Variants in MBD3 observed in about 807,000 individuals in gnomAD.
MBD3 encodes methyl-CpG-binding domain protein 3.
A neutral mutation model predicts 31.2 loss-of-function variants in MBD3; 13 were observed. That is an observed-to-expected ratio of 0.42 (90% CI 0.27 to 0.66). MBD3 has a LOEUF of 0.66. MBD3 is among the 30% of genes least tolerant of loss of function. The probability of loss-of-function intolerance (pLI) is 0.26; values close to 1 mark genes in which losing one functional copy is unlikely to be tolerated. For synonymous variants in MBD3, 223 were observed against 187.4 expected (o/e 1.19, Z -1.55); for missense variants, 440 against 426.5 (o/e 1.03, Z -0.28).
intron 1 of MBD3, 35 bp downstream of exon 1, chr19:1,592,487 C>A: frequency 8.3e-7 from 1 of 1,205,784 alleles, no homozygotes; most frequent in South Asian, 1.4e-5. Flanking sequence ...GGGAGGAGCC[C>A]GTTGAGGCCC....
rs2060710520 is a variant in MBD3 at position 1,592,572 on chromosome 19, C to A, written c.60G>T (p.Val20=). ...CGGCCGACAGCCCCGACCTTCTGGG[C>A]ACTTCTTCCCTCTCCCAGCCCTGCG... is the stretch of plus-strand genomic sequence containing the variant. The part of the protein sequence containing the change: ...ALPQGWEREE[V]PRRSGLSAGH... The change falls in exon 1 of 7, where the codon GTG becomes GTT. Residue 20 remains valine, a synonymous_variant. Coordinates refer to ENST00000434436, the MANE Select transcript of MBD3 (RefSeq NM_001281453.2). 8.3e-6 allele frequency: 12 copies of A among 1,444,880 alleles called. No individual in the cohort carries two copies. The highest frequency in any genetic ancestry group is 1.0e-5 in the Non-Finnish European group (11 of 1,077,156). 89.5% of individuals were successfully genotyped at this position (1,444,880 alleles called of 1,614,324 possible).
rs1915029602 is a variant in MBD3, at chr19:1,573,829, CTG to C, written c.*4333_*4334del. ...TGCCCGTGGCCAACATGGTGAAACCCTGTCTCTACTAAAAGTACAAAGATTAG... is the reference window on the plus strand; with the variant it reads ...TGCCCGTGGCCAACATGGTGAAACCCTCTCTACTAAAAGTACAAAGATTAG... On this transcript the variant is annotated 3_prime_UTR_variant, in exon 7 of 7. Coordinates refer to ENST00000434436, the MANE Select transcript of MBD3 (RefSeq NM_001281453.2). 6.6e-6 allele frequency: 1 copy of C among 152,128 alleles called. No individual in the cohort carries two copies. Among genetic ancestry groups the C allele is most frequent in the Non-Finnish European group, 1.5e-5 (1 of 68,038 alleles). The allele number at this position is 152,128 out of a possible 1,614,324, so 9.4% of individuals were successfully genotyped here. A position where few individuals can be genotyped will look rare whatever the true frequency, so the allele number is the denominator to read the frequency against.
In MBD3 at chr19:1,592,510, G is replaced by C; in HGVS notation, c.110+12C>G. The C allele has an allele frequency of 7.3e-7, 1 of 1,376,222 alleles. No homozygotes were observed. The highest frequency in any genetic ancestry group is 9.7e-7 in the Non-Finnish European group (1 of 1,033,062). 85.3% of individuals were successfully genotyped at this position (1,376,222 alleles called of 1,614,324 possible). A position where few individuals can be genotyped will look rare whatever the true frequency, so the allele number is the denominator to read the frequency against. On this transcript the variant is annotated intron_variant, in intron 1 of 6. Coordinates refer to ENST00000434436, the MANE Select transcript of MBD3 (RefSeq NM_001281453.2). ...CCCGTTGAGGCCCTGCGCGGCCGGC[G>C]CGCTCATTCACCTATAGTAAAAGAC...
intron 2 of MBD3, 184 bp from the exon 3 acceptor site, chr19:1,584,861 C>T (rs984995742): frequency 6.0e-5 from 59 of 989,438 alleles, no homozygotes; most frequent in African/African-American, 4.7e-4. Context: ...CTGGAACGCC[C>T]GCCGCGGGCC....
In MBD3 at chr19:1,585,509, C is replaced by T; in HGVS notation, c.111-295G>A. On this transcript the variant is annotated intron_variant, in intron 1 of 6. Transcript: ENST00000434436. The surrounding 1 kb of genome is among the most constrained non-coding windows in gnomAD (Gnocchi z 4.1). Reference sequence around the variant, plus strand: ...CGATCCTCACACCCTGGCCCTAGCCCCAGCCTCCACATCGGATCCTTGCTC... The same window carrying T: ...CGATCCTCACACCCTGGCCCTAGCCTCAGCCTCCACATCGGATCCTTGCTC... 2.3e-6 allele frequency: 1 copy of T among 440,880 alleles called. No individual in the cohort carries two copies. The highest frequency in any genetic ancestry group is 2.3e-5 in the South Asian group (1 of 44,390). 27.3% of individuals were successfully genotyped at this position (440,880 alleles called of 1,614,324 possible). A position where few individuals can be genotyped will look rare whatever the true frequency, so the allele number is the denominator to read the frequency against.
In MBD3 at chr19:1,584,652, A is replaced by T; in HGVS notation, c.296T>A (p.Leu99Gln). The part of the protein sequence containing the change: ...VKGKPDLNTA[L>Q]PVRQTASIFK... ...GATGGACGCCGTCTGGCGCACGGGC[A>T]GCGCCGTGTTCAGGTCGGGCTTGCC... Residue 99 changes from leucine (L) to glutamine (Q), a missense_variant, in exon 3 of 7, where the codon CTG becomes CAG. By Grantham distance (113) the Leu-to-Gln change is moderately radical. Coordinates refer to ENST00000434436, the MANE Select transcript of MBD3 (RefSeq NM_001281453.2). 1 of 1,613,280 alleles carries T rather than the reference A, an allele frequency of 6.2e-7. No homozygotes were observed. Among genetic ancestry groups the T allele is most frequent in the Non-Finnish European group, 8.5e-7 (1 of 1,179,816 alleles).
Position 1,575,958 on chromosome 19 carries a change from T to C in MBD3, c.*2206A>G, listed in dbSNP as rs1916813315. 1 of 151,916 alleles carries C rather than the reference T, an allele frequency of 6.6e-6. No homozygotes were observed. Among genetic ancestry groups the C allele is most frequent in the Non-Finnish European group, 1.5e-5 (1 of 68,090 alleles). 9.4% of individuals were successfully genotyped at this position (151,916 alleles called of 1,614,324 possible). ...AGAGGGACTGATCGGGGTCTGTCAG[T>C]GACAGGAAGCTGGGCTGCGACAGAG... On this transcript the variant is annotated 3_prime_UTR_variant, in exon 7 of 7. Transcript: ENST00000434436.
rs755286081 is a variant in MBD3 at position 1,584,597 on chromosome 19, G to A, written c.351C>T (p.Asn117=). Residue 117 remains asparagine, a synonymous_variant, in exon 3 of 7, where the codon AAC becomes AAT. Transcript: ENST00000434436. ...IFKQPVTKIT[N]HPSNKVKSDP... ...CGCTCTTGACCTTGTTGCTGGGGTG[G>A]TTGGTAATCTTGGTCACCGGCTGCT... 3 of 1,613,972 alleles carry A rather than the reference G, an allele frequency of 1.9e-6. No individual in the cohort carries two copies. The highest frequency in any genetic ancestry group is 2.2e-5 in the South Asian group (2 of 91,088).
In MBD3 at chr19:1,577,577, TAC is replaced by T. The variant is rs1442590274; in HGVS notation, c.*585_*586del. Reference sequence around the variant, plus strand: ...GCCCGATGACGTGCCTCGACTGTGTTACATTTACTGAAGGAGAGCGGCCTCCT... The same window carrying T: ...GCCCGATGACGTGCCTCGACTGTGTTATTTACTGAAGGAGAGCGGCCTCCT... On this transcript the variant is annotated 3_prime_UTR_variant, in exon 7 of 7. Transcript: ENST00000434436. 1.3e-5 allele frequency: 2 copies of T among 152,314 alleles called. No individual in the cohort carries two copies. The highest frequency in any genetic ancestry group is 1.3e-4 in the Admixed American group (2 of 15,282). The allele number at this position is 152,314 out of a possible 1,614,324, so 9.4% of individuals were successfully genotyped here. A position where few individuals can be genotyped will look rare whatever the true frequency, so the allele number is the denominator to read the frequency against.
At chr19:1,581,381 G>A in intron 4 of MBD3, 112 bp from the exon 5 acceptor site, 1 of 1,094,436 alleles carries the variant, frequency 9.1e-7, no homozygotes, top group Non-Finnish European at 1.3e-6. Context: ...TTCTTGGAAG[G>A]AACCCCAACT....
rs1302426526 is a variant in MBD3 at position 1,585,417 on chromosome 19, C to G, written c.111-203G>C. 1 of 585,896 alleles carries G rather than the reference C, an allele frequency of 1.7e-6. No homozygotes were observed. The highest frequency in any genetic ancestry group is 3.0e-6 in the Non-Finnish European group (1 of 331,516). 36.3% of individuals were successfully genotyped at this position (585,896 alleles called of 1,614,324 possible). On this transcript the variant is annotated intron_variant, in intron 1 of 6. Transcript: ENST00000434436. The surrounding 1 kb of genome is among the most constrained non-coding windows in gnomAD (Gnocchi z 4.1). Reference sequence around the variant, plus strand: ...CCCTGGCGTGACCCCAGACCTTCATCCCAGACCCCAGCACCCCACAACTGG... The same window carrying G: ...CCCTGGCGTGACCCCAGACCTTCATGCCAGACCCCAGCACCCCACAACTGG...
At chr19:1,584,361 C>T (rs1464108712) in intron 3 of MBD3, among the ~76,000 whole-genome samples, 179 bp downstream of exon 3, 2 of 152,194 alleles carry the variant, frequency 1.3e-5, no homozygotes, top group East Asian at 1.9e-4. Context: ...GGACCACAGG[C>T]GGGCGCCACC....
At chr19:1,584,989 C>T (rs979775358) in intron 2 of MBD3, 66 bp downstream of exon 2, 65 of 1,591,004 alleles carry the variant, frequency 4.1e-5, no homozygotes, top group Middle Eastern at 2.0e-4. Flanking sequence ...CTGCAGCTCA[C>T]GTCATGGCCG....
At chr19:1,591,484 AC>A (rs1286543772) in intron 1 of MBD3, among the ~76,000 whole-genome samples, 1 of 151,834 alleles carries the variant, frequency 6.6e-6, no homozygotes, top group East Asian at 2.0e-4. Flanking sequence ...CGTGGAAACC[AC>A]CCGCCCTCAC....
At position 1,578,300 on chromosome 19, in the gene MBD3, C is replaced by A. The variant is rs1305280568; in HGVS notation, c.*5+35G>T. 1 of 1,599,538 alleles carries A rather than the reference C, an allele frequency of 6.3e-7. No individual in the cohort carries two copies. The highest frequency in any genetic ancestry group is 1.7e-5 in the Admixed American group (1 of 60,006). On this transcript the variant is annotated intron_variant, in intron 6 of 6. Coordinates refer to ENST00000434436, the MANE Select transcript of MBD3 (RefSeq NM_001281453.2). This position sits in a 1 kb window ranked among gnomAD's most constrained non-coding sequence, Gnocchi z 6.1. Reference sequence around the variant, plus strand: ...CACCAGGCAGTCCCCACTGCCAGGACCCGACTCCAGGGAGCCCCCGTGGCC... The same window carrying A: ...CACCAGGCAGTCCCCACTGCCAGGAACCGACTCCAGGGAGCCCCCGTGGCC...
chr19:1,581,379 A>G, intron 4 of MBD3, 110 bp from the exon 5 acceptor site: 1 of 1,107,610 alleles, frequency 9.0e-7, no homozygotes, highest in East Asian at 2.6e-5. Context: ...CCTTCTTGGA[A>G]GGAACCCCAA....
chr19:1,585,029 G>A lies in MBD3; in HGVS notation c.270+26C>T, dbSNP rs766391926. ...CCCGCCTAGAACGCCCCGCGCCGAC[G>A]TCACCTGCGTGACGCCACCACTCAC... On this transcript the variant is annotated intron_variant, in intron 2 of 6. Transcript: ENST00000434436. This position sits in a 1 kb window ranked among gnomAD's most constrained non-coding sequence, Gnocchi z 4.1. 3.7e-6 allele frequency: 6 copies of A among 1,608,696 alleles called. No individual in the cohort carries two copies. The highest frequency in any genetic ancestry group is 1.7e-5 in the Admixed American group (1 of 59,966).
At position 1,577,246 on chromosome 19, in the gene MBD3, A is replaced by G. The variant is rs939898713; in HGVS notation, c.*918T>C. The G allele has an allele frequency of 2.0e-5, 3 of 152,314 alleles. No homozygotes were observed. Among genetic ancestry groups the G allele is most frequent in the African/African-American group, 7.2e-5 (3 of 41,456 alleles). The allele number at this position is 152,314 out of a possible 1,614,324, so 9.4% of individuals were successfully genotyped here. A position where few individuals can be genotyped will look rare whatever the true frequency, so the allele number is the denominator to read the frequency against. ...TGTGGCTTGGAACCTGCCCTCGCCAAGGCACTGGGGGGTTAAGGAGCAGAT... is the reference window on the plus strand; with the variant it reads ...TGTGGCTTGGAACCTGCCCTCGCCAGGGCACTGGGGGGTTAAGGAGCAGAT... On this transcript the variant is annotated 3_prime_UTR_variant, in exon 7 of 7. Transcript: ENST00000434436.
chr19:1,587,587 A>T (rs1170372891), intron 1 of MBD3, among the ~76,000 whole-genome samples: 1 of 151,790 alleles, frequency 6.6e-6, no homozygotes, highest in Non-Finnish European at 1.5e-5. Flanking sequence ...GCTAATTTTT[A>T]AATTTTTTGC....
Sources: gnomAD v4.1 joint callset for allele counts (sites outside exome capture counted in the v4.1 genomes callset) on GRCh38, gnomAD v4.1.1 for gene constraint, Gnocchi (gnomAD v3.1) non-coding constraint, MANE v1.5 for transcripts, NCBI Gene and HGNC (gene_info 2026-07-23, HGNC 2026-07-21) for gene names.